Variants in POC1B observed in about 807,000 individuals in gnomAD.
POC1B encodes the protein POC1 centriolar protein B.
POC1B carries 44 observed loss-of-function variants against 60.6 expected under a neutral mutation model. That is an observed-to-expected ratio of 0.73 (90% CI 0.57 to 0.93). The LOEUF is 0.93. POC1B is among the 40% of genes least tolerant of loss of function. POC1B has a pLI of 0.00. For synonymous variants in POC1B, 180 were observed against 198.9 expected, an observed-to-expected ratio of 0.90 and a Z score of 0.80; for missense variants, 555 against 572.3, an observed-to-expected ratio of 0.97 and a Z score of 0.31.
At chr12:89,403,799 C>A in the POC1B span, among the ~76,000 whole-genome samples, 1 of 152,124 alleles carries the variant, frequency 6.6e-6, no homozygotes, top group African/African-American at 2.4e-5. Context: ...TGAAAGTCTT[C>A]ATTAGTTGTC....
Position 89,523,195 on chromosome 12 carries a change from C to T in POC1B, c.100+1925G>A, listed in dbSNP as rs762240631. On this transcript the variant is annotated intron_variant, in intron 2 of 11. Coordinates refer to ENST00000313546, the MANE Select transcript of POC1B (RefSeq NM_172240.3). Reference sequence around the variant, plus strand: ...ATAATCTAAACATTCAGACGAGATCCCTCTACTGCGAATAGCCCCATGCCA... The same window carrying T: ...ATAATCTAAACATTCAGACGAGATCTCTCTACTGCGAATAGCCCCATGCCA... The T allele has an allele frequency of 4.3e-6, 7 of 1,613,780 alleles. No homozygotes were observed. In the Admixed American group the frequency reaches 1.2e-4, roughly 27 times the overall value.
chr12:89,503,299 T>G (rs1170348365), intron 2 of POC1B, among the ~76,000 whole-genome samples: 1 of 152,224 alleles, frequency 6.6e-6, no homozygotes, highest in Non-Finnish European at 1.5e-5. Flanking sequence ...ATTTTTTTGG[T>G]GGAGACGGGG....
chr12:89,474,362 T>G (rs1883026140), intron 4 of POC1B, among the ~76,000 whole-genome samples: 3 of 152,104 alleles, frequency 2.0e-5, no homozygotes, highest in Non-Finnish European at 1.5e-5. Flanking sequence ...AAGAAAGCAA[T>G]TATGGAGAAA....
chr12:89,412,357 CTTTT>C, the POC1B span, among the ~76,000 whole-genome samples: 23 of 138,076 alleles, frequency 1.7e-4, no homozygotes, highest in African/African-American at 5.0e-4. Flanking sequence ...TTTCTTTTTT[CTTTT>C]TTTTTTTTTT....
rs373721058 is a variant in POC1B, at chr12:89,524,571, G to A, written c.100+549C>T. On this transcript the variant is annotated intron_variant, in intron 2 of 11. Transcript: ENST00000313546. The stretch of plus-strand genomic sequence containing the variant: ...CCATCCGGATTCTCAGGGCTGAGGC[G>A]CAGACGCGGCCACCAAGCCACCACG... 2.4e-4 allele frequency: 383 copies of A among 1,608,910 alleles called. 1 individual carries two copies. In the African/African-American group the frequency reaches 4.6e-3, roughly 19 times the overall value.
rs1227088245 is a variant in POC1B, at chr12:89,503,768, GCCCCA to G, written c.101-6431_101-6427del. ...TGAGGAGCCCCTCCGCCCGGCAGCC[GCCCCA>G]TCTGAGAAGTGAGGAGCCCCTCCGC... On this transcript the variant is annotated intron_variant, in intron 2 of 11. Coordinates refer to ENST00000313546, the MANE Select transcript of POC1B (RefSeq NM_172240.3). Among the ~76,000 whole-genome samples, 134 of 119,756 alleles carry G rather than the reference GCCCCA, an allele frequency of 1.1e-3. 3 individuals carry two copies. The highest frequency in any genetic ancestry group is 4.4e-3 in the African/African-American group (131 of 29,706). The allele number at this position is 119,756 out of a possible 152,430, so 78.6% of individuals were successfully genotyped here.
At position 89,421,261 on chromosome 12, in the gene POC1B, C is replaced by T. The variant is rs539875765; in HGVS notation, c.1333-4G>A. 4 of 1,581,518 alleles carry T rather than the reference C, an allele frequency of 2.5e-6. No individual in the cohort carries two copies. Among genetic ancestry groups the T allele is most frequent in the Middle Eastern group, 1.7e-4 (1 of 5,964 alleles). On this transcript the variant is annotated splice_region_variant and splice_polypyrimidine_tract_variant and intron_variant, in intron 11 of 11. Coordinates refer to ENST00000313546, the MANE Select transcript of POC1B (RefSeq NM_172240.3). ...GCTGCTCCAAGATTGAAACAGTCTG[C>T]AAAAAGGAGGATAAAATAATCAATG...
chr12:89,473,513 T>C (rs955478835), intron 4 of POC1B, among the ~76,000 whole-genome samples: 4 of 151,222 alleles, frequency 2.6e-5, no homozygotes, highest in African/African-American at 7.3e-5. Flanking sequence ...TCCACTAAAA[T>C]AGCCAGGCAT....
At chr12:89,435,450 G>A (rs912808759) in intron 10 of POC1B, among the ~76,000 whole-genome samples, 1 of 151,890 alleles carries the variant, frequency 6.6e-6, no homozygotes, top group African/African-American at 2.4e-5. Flanking sequence ...CAAAGTGGTG[G>A]GACTATAGGC....
At chr12:89,501,074 CG>C in intron 2 of POC1B, 1 of 1,122,944 alleles carries the variant, frequency 8.9e-7, no homozygotes, top group Non-Finnish European at 1.3e-6. Flanking sequence ...CCAAGAAAGG[CG>C]GGGCCTCTGA....
At chr12:89,488,209 T>C (rs1246220559) in intron 4 of POC1B, among the ~76,000 whole-genome samples, 2 of 152,164 alleles carry the variant, frequency 1.3e-5, no homozygotes, top group Admixed American at 6.5e-5. Context: ...ATAAAAAATT[T>C]TCCCTTACAT....
chr12:89,464,453 A>C (rs1882596194), intron 9 of POC1B, among the ~76,000 whole-genome samples: 1 of 149,434 alleles, frequency 6.7e-6, no homozygotes, highest in African/African-American at 2.5e-5. Context: ...CCTGTCTAGA[A>C]AATTTCATAA....
At position 89,491,931 on chromosome 12, in the gene POC1B, C is replaced by T. The variant is rs998227099; in HGVS notation, c.452+5G>A. The T allele has an allele frequency of 1.7e-5, 25 of 1,485,594 alleles. No homozygotes were observed. Among genetic ancestry groups the T allele is most frequent in the Non-Finnish European group, 2.0e-5 (22 of 1,115,492 alleles). The allele number at this position is 1,485,594 out of a possible 1,614,324, so 92.0% of individuals were successfully genotyped here. ...ACATCTTAATATGAAATTTTTTGCA[C>T]TTACTTGGCACAGCGTACCCAGTGT... On this transcript the variant is annotated splice_donor_5th_base_variant and intron_variant, in intron 4 of 11. Transcript: ENST00000313546.
At chr12:89,404,127 C>T in the POC1B span, among the ~76,000 whole-genome samples, 1 of 149,024 alleles carries the variant, frequency 6.7e-6, no homozygotes, top group African/African-American at 2.5e-5. Flanking sequence ...AATGAAACTC[C>T]ATCTTAAAAA....
chr12:89,402,920 T>G, the POC1B span, among the ~76,000 whole-genome samples: 1 of 152,046 alleles, frequency 6.6e-6, no homozygotes, highest in South Asian at 2.1e-4. Context: ...TGTTTCACCA[T>G]GTTGGCCAGG....
intron 1 of POC1B, chr12:89,525,407 C>T: frequency 7.2e-7 from 1 of 1,387,786 alleles, no homozygotes; most frequent in African/African-American, 1.5e-5. Context: ...GCCAGCTCTC[C>T]CCGCAGAGCC....
Position 89,425,345 on chromosome 12 carries a change from T to C in POC1B, c.1148A>G (p.Lys383Arg), listed in dbSNP as rs1291698432. ...GAAATATCCACAGGCCTCTTCACCC[T>C]TGTCTGGCAGAGTCCTACCACTGGT... ...TETSGRTLPDKGEEACGYFLN... is the reference protein window; with the variant it reads ...TETSGRTLPDRGEEACGYFLN... The change falls in exon 11 of 12, where the codon AAG (lysine) becomes AGG (arginine). Residue 383 changes from lysine (K) to arginine (R), a missense_variant. Lys to Arg is a conservative substitution (Grantham distance 26). Transcript: ENST00000313546. The C allele has an allele frequency of 6.2e-7, 1 of 1,614,160 alleles. No homozygotes were observed. Among genetic ancestry groups the C allele is most frequent in the East Asian group, 2.2e-5 (1 of 44,888 alleles).
chr12:89,409,416 A>G, the POC1B span, among the ~76,000 whole-genome samples: 11 of 152,198 alleles, frequency 7.2e-5, no homozygotes, highest in Non-Finnish European at 1.6e-4. Context: ...CAGGTTTATC[A>G]AAGATCAGAT....
At chr12:89,403,424 G>T in the POC1B span, among the ~76,000 whole-genome samples, 11 of 152,178 alleles carry the variant, frequency 7.2e-5, no homozygotes, top group African/African-American at 1.9e-4. Context: ...AACCCTCAAG[G>T]TAAACTGAGT....
Sources: gnomAD v4.1 joint callset for allele counts (sites outside exome capture counted in the v4.1 genomes callset) on GRCh38, gnomAD v4.1.1 for gene constraint, MANE v1.5 for transcripts, NCBI Gene and HGNC (gene_info 2026-07-23, HGNC 2026-07-21) for gene names.